Variants in SEMA3A observed in about 807,000 individuals in gnomAD.
The protein encoded by SEMA3A is semaphorin 3A.
SEMA3A carries 29 observed loss-of-function variants against 97.9 expected under a neutral mutation model. That is an observed-to-expected ratio of 0.30 (90% confidence interval 0.22 to 0.40). The LOEUF (loss-of-function observed/expected upper bound fraction) is 0.40. Ranked by LOEUF, SEMA3A falls within the 10% of genes least tolerant of loss-of-function variation. The pLI, the probability that SEMA3A is intolerant of heterozygous loss-of-function variation, is 1.00. For missense variants in SEMA3A, 763 were observed against 951.3 expected, an observed-to-expected ratio of 0.80 and a Z score of 2.60; for synonymous variants, 321 against 323.7, an observed-to-expected ratio of 0.99 and a Z score of 0.09.
chr7:84,014,123 G>A (rs923136747), intron 7 of SEMA3A, 86 bp downstream of exon 7: 1 of 1,082,348 alleles, frequency 9.2e-7, no homozygotes, highest in East Asian at 2.4e-5. Flanking sequence ...AATTTTTATT[G>A]TATATGCACA....
chr7:84,440,728 G>C (rs545613086), intron 1 of SEMA3A, among the ~76,000 whole-genome samples: 15 of 152,162 alleles, frequency 9.9e-5, no homozygotes, highest in African/African-American at 3.4e-4. Flanking sequence ...ATCAAAGAAA[G>C]AAACAAACAA....
intron 2 of SEMA3A, among the ~76,000 whole-genome samples, chr7:84,134,535 G>C (rs1163056988): frequency 6.6e-6 from 1 of 152,120 alleles, no homozygotes; most frequent in Non-Finnish European, 1.5e-5. Context: ...TTTTATGTAG[G>C]AAAAATAGAT....
In SEMA3A at chr7:84,099,065, C is replaced by CTTTTTTT. The variant is rs754026184; in HGVS notation, c.453+11398_453+11404dup. Among the ~76,000 whole-genome samples the CTTTTTTT allele has an allele frequency of 5.9e-4, 55 of 92,546 alleles. 3 individuals carry two copies. The highest frequency in any genetic ancestry group is 1.8e-3 in the African/African-American group (49 of 27,054). 60.7% of individuals were successfully genotyped at this position (92,546 alleles called of 152,430 possible). On this transcript the variant is annotated intron_variant, in intron 4 of 16. Coordinates refer to ENST00000265362, the MANE Select transcript of SEMA3A (RefSeq NM_006080.3). ...AGAGATTAATCAGGAATTACATTTTCTTTTTTTTTCTTTTTTTTTTTTTGA... is the reference window on the plus strand; with the variant it reads ...AGAGATTAATCAGGAATTACATTTTCTTTTTTTTTTTTTTTTCTTTTTTTTTTTTTGA...
intron 3 of SEMA3A, among the ~76,000 whole-genome samples, chr7:84,279,169 G>C (rs1209289702): frequency 6.6e-6 from 1 of 152,014 alleles, no homozygotes; most frequent in Non-Finnish European, 1.5e-5. Context: ...TCTCTTCAAA[G>C]TACTTACTGA....
chr7:84,380,544 T>A (rs535223323), intron 1 of SEMA3A, among the ~76,000 whole-genome samples: 1 of 152,254 alleles, frequency 6.6e-6, no homozygotes, highest in South Asian at 2.1e-4. Flanking sequence ...TGATGGAGAT[T>A]ATGAATAAAT....
chr7:84,235,589 A>T (rs1799219136), intron 3 of SEMA3A, among the ~76,000 whole-genome samples: 2 of 152,052 alleles, frequency 1.3e-5, no homozygotes, highest in Non-Finnish European at 2.9e-5. Flanking sequence ...TAATTTTTTT[A>T]AAAAGTAGTT....
At chr7:84,066,745 C>T (rs1222875739) in intron 4 of SEMA3A, among the ~76,000 whole-genome samples, 1 of 151,884 alleles carries the variant, frequency 6.6e-6, no homozygotes, top group East Asian at 1.9e-4. Context: ...AGGAGAACTA[C>T]AAACCACTGC....
At chr7:84,403,304 A>G (rs1044580443) in intron 1 of SEMA3A, among the ~76,000 whole-genome samples, 1 of 152,206 alleles carries the variant, frequency 6.6e-6, no homozygotes, top group Non-Finnish European at 1.5e-5. Flanking sequence ...CATTGCTAGC[A>G]CAGCAGTCTG....
At chr7:84,255,046 G>A (rs1799688155) in intron 3 of SEMA3A, among the ~76,000 whole-genome samples, 1 of 152,106 alleles carries the variant, frequency 6.6e-6, no homozygotes, top group South Asian at 2.1e-4. Context: ...AGTAAGATGA[G>A]GCTCCAAAGC....
chr7:84,128,908 C>T (rs1331612069), intron 3 of SEMA3A, among the ~76,000 whole-genome samples: 1 of 151,990 alleles, frequency 6.6e-6, no homozygotes, highest in African/African-American at 2.4e-5. Context: ...AATAAAATTA[C>T]CTTTAGGCTA....
intron 4 of SEMA3A, among the ~76,000 whole-genome samples, chr7:84,066,313 C>G (rs1483458789): frequency 6.6e-6 from 1 of 152,028 alleles, no homozygotes; most frequent in Non-Finnish European, 1.5e-5. Context: ...CATCCAATAT[C>G]ATACTGAATG....
intron 3 of SEMA3A, among the ~76,000 whole-genome samples, chr7:84,283,555 C>A (rs1192668647): frequency 6.6e-6 from 1 of 151,660 alleles, no homozygotes; most frequent in East Asian, 1.9e-4. Context: ...AAGTTGGCAA[C>A]TGATTGCATG....
chr7:84,369,514 A>G (rs1282419208), intron 2 of SEMA3A, among the ~76,000 whole-genome samples: 1 of 151,262 alleles, frequency 6.6e-6, no homozygotes, highest in Non-Finnish European at 1.5e-5. Context: ...CGAAAGAAGA[A>G]TCTAGTCTTC....
At chr7:83,964,830 A>G (rs6945668) in intron 15 of SEMA3A, among the ~76,000 whole-genome samples, 48,051 of 152,134 alleles carry the variant, frequency 0.32, 8,654 homozygotes, top group African/African-American at 0.49. Context: ...TTCATGTGCC[A>G]ATATCTATAT....
chr7:84,438,376 C>T (rs1322015136), intron 1 of SEMA3A, among the ~76,000 whole-genome samples: 1 of 152,000 alleles, frequency 6.6e-6, no homozygotes, highest in Admixed American at 6.6e-5. Context: ...TAACTTTTCC[C>T]ACCACTTCAA....
At chr7:84,055,390 G>A (rs1424206820) in intron 5 of SEMA3A, among the ~76,000 whole-genome samples, 9 of 152,208 alleles carry the variant, frequency 5.9e-5, no homozygotes, top group Non-Finnish European at 1.3e-4. Context: ...AGCCAGGTGT[G>A]GGATATAGTC....
At chr7:84,488,504 G>A (rs143847313) in intron 1 of SEMA3A, among the ~76,000 whole-genome samples, 353 of 151,982 alleles carry the variant, frequency 2.3e-3, no homozygotes, top group African/African-American at 7.9e-3. Context: ...CTTTGCAGGC[G>A]GGAATGTGTT....
chr7:84,152,879 G>C (rs528165641), intron 1 of SEMA3A, among the ~76,000 whole-genome samples: 1 of 151,916 alleles, frequency 6.6e-6, no homozygotes, highest in Admixed American at 6.5e-5. Flanking sequence ...GCATTTAAAC[G>C]TAAAAAAGTT....
At chr7:83,980,416 C>A (rs1345427722) in intron 14 of SEMA3A, among the ~76,000 whole-genome samples, 4 of 151,420 alleles carry the variant, frequency 2.6e-5, no homozygotes, top group Admixed American at 2.0e-4. Flanking sequence ...ACCATCCTGG[C>A]CAACATGGTG....
Sources: allele counts gnomAD v4.1 joint callset (sites outside exome capture counted in the v4.1 genomes callset), GRCh38; gene constraint gnomAD v4.1.1; transcripts MANE v1.5; gene names NCBI Gene and HGNC (gene_info 2026-07-23, HGNC 2026-07-21).